The following NRG3 variants were observed in gnomAD, a reference collection of about 807,000 sequenced individuals.
The protein encoded by NRG3 is neuregulin 3, also known as pro-neuregulin-3, membrane-bound isoform.
NRG3 carries 31 observed loss-of-function variants against 66.9 expected under a neutral mutation model. The observed-to-expected ratio is 0.46, with a 90% confidence interval of 0.35 to 0.63. The LOEUF is 0.63. NRG3 is among the 20% of genes least tolerant of loss of function. The probability of loss-of-function intolerance (pLI) is 0.00; values close to 1 mark genes in which losing one functional copy is unlikely to be tolerated. For synonymous variants in NRG3, 393 were observed against 359.4 expected (o/e 1.09, Z -1.06); for missense variants, 910 against 878.9 (o/e 1.04, Z -0.45).
At chr10:82,549,872 A>G (rs1450504880) in intron 2 of NRG3, among the ~76,000 whole-genome samples, 5 of 152,148 alleles carry the variant, frequency 3.3e-5, no homozygotes, top group African/African-American at 1.2e-4. Context: ...GTGTTGATTG[A>G]AAGATCCAAT....
chr10:82,136,952 G>C (rs1000527011), intron 1 of NRG3, among the ~76,000 whole-genome samples: 1 of 152,160 alleles, frequency 6.6e-6, no homozygotes, highest in Non-Finnish European at 1.5e-5. Flanking sequence ...GGTAACGTAG[G>C]CTTCAAGACT....
intron 6 of NRG3, among the ~76,000 whole-genome samples, chr10:82,970,509 T>C (rs1013410271): frequency 2.6e-5 from 4 of 152,324 alleles, no homozygotes; most frequent in Middle Eastern, 3.4e-3. Context: ...ATGAGTGCAG[T>C]TGCACTCTTT....
chr10:82,418,985 G>A (rs2088851070), intron 2 of NRG3, among the ~76,000 whole-genome samples: 1 of 152,050 alleles, frequency 6.6e-6, no homozygotes, highest in Admixed American at 6.6e-5. Context: ...GTAATAAATG[G>A]TTTCTGAAAA....
At chr10:82,729,480 A>G (rs2057782823) in intron 2 of NRG3, among the ~76,000 whole-genome samples, 1 of 152,294 alleles carries the variant, frequency 6.6e-6, no homozygotes, top group African/African-American at 2.4e-5. Context: ...ATCAAAGCTA[A>G]GTTAGACAGA....
rs190611952 is a variant in NRG3, at chr10:82,502,315, T to C, written c.953+143447T>C. Among the ~76,000 whole-genome samples, 81 of 152,292 alleles carry C rather than the reference T, an allele frequency of 5.3e-4. 1 individual carries two copies. The highest frequency in any genetic ancestry group is 2.7e-3 in the Admixed American group (41 of 15,280). On this transcript the variant is annotated intron_variant, in intron 2 of 8. Coordinates refer to ENST00000372141, the MANE Select transcript of NRG3 (RefSeq NM_001010848.4). Reference sequence around the variant, plus strand: ...GAACCTGTTCAGGTCAGCAGTATCCTTCCCTTGCTCTGATCATTTTAGACT... The same window carrying C: ...GAACCTGTTCAGGTCAGCAGTATCCCTCCCTTGCTCTGATCATTTTAGACT...
At chr10:82,059,618 C>T (rs1026457168) in intron 1 of NRG3, among the ~76,000 whole-genome samples, 1 of 152,102 alleles carries the variant, frequency 6.6e-6, no homozygotes, top group African/African-American at 2.4e-5. Flanking sequence ...TTTCCATTCC[C>T]AATTTTACTT....
At chr10:82,578,909 A>G (rs2046193405) in intron 2 of NRG3, among the ~76,000 whole-genome samples, 1 of 151,934 alleles carries the variant, frequency 6.6e-6, no homozygotes, top group Admixed American at 6.6e-5. Flanking sequence ...TAATTCAGTG[A>G]CTGAAATAAT....
At chr10:82,657,246 T>C (rs1010899257) in intron 2 of NRG3, among the ~76,000 whole-genome samples, 2 of 152,170 alleles carry the variant, frequency 1.3e-5, no homozygotes, top group East Asian at 3.8e-4. Flanking sequence ...CCTCTCTCTC[T>C]GTTCTGTCTA....
chr10:82,050,901 A>C (rs541782179), intron 1 of NRG3, among the ~76,000 whole-genome samples: 3 of 150,036 alleles, frequency 2.0e-5, no homozygotes, highest in African/African-American at 7.3e-5. Flanking sequence ...CCTCATGCGT[A>C]TCCAGCATTT....
At chr10:82,857,027 A>G (rs1185821964) in intron 3 of NRG3, among the ~76,000 whole-genome samples, 2 of 152,208 alleles carry the variant, frequency 1.3e-5, no homozygotes, top group Non-Finnish European at 2.9e-5. Context: ...AAATGGAATA[A>G]GATTTCAGTC....
At chr10:81,941,897 G>A (rs2064621) in intron 1 of NRG3, among the ~76,000 whole-genome samples, 149,726 of 152,190 alleles carry the variant, frequency 0.98, 73,674 homozygotes, top group East Asian at 1. Flanking sequence ...CATTTCCCTG[G>A]AAAAATAAGT....
At chr10:82,583,446 C>T (rs1196008686) in intron 2 of NRG3, among the ~76,000 whole-genome samples, 2 of 152,144 alleles carry the variant, frequency 1.3e-5, no homozygotes, top group Non-Finnish European at 2.9e-5. Flanking sequence ...ATAAGCCAAG[C>T]TTTCATACCT....
At chr10:82,961,143 G>T (rs1850598306) in intron 6 of NRG3, among the ~76,000 whole-genome samples, 1 of 152,164 alleles carries the variant, frequency 6.6e-6, no homozygotes, top group Admixed American at 6.5e-5. Flanking sequence ...AGAAAATTAA[G>T]AAAACACTTC....
At chr10:81,945,448 A>T (rs1432970271) in intron 1 of NRG3, among the ~76,000 whole-genome samples, 2 of 152,122 alleles carry the variant, frequency 1.3e-5, no homozygotes, top group Admixed American at 1.3e-4. Context: ...ACTGAGTTAC[A>T]TTTTGTCTTC....
chr10:82,009,901 C>T (rs940325217), intron 1 of NRG3, among the ~76,000 whole-genome samples: 1 of 152,194 alleles, frequency 6.6e-6, no homozygotes, highest in African/African-American at 2.4e-5. Context: ...TGTATTATGA[C>T]CTGGTCATGC....
intron 1 of NRG3, among the ~76,000 whole-genome samples, chr10:82,240,620 T>C (rs1589436800): frequency 1.3e-5 from 2 of 152,144 alleles, no homozygotes; most frequent in East Asian, 3.9e-4. Context: ...TGGAGGAAGA[T>C]GGCCTCAATT....
chr10:82,192,451 G>A (rs1468302085), intron 1 of NRG3, among the ~76,000 whole-genome samples: 1 of 152,160 alleles, frequency 6.6e-6, no homozygotes, highest in Non-Finnish European at 1.5e-5. Context: ...GAGGGCTGCT[G>A]TGGTTCATTC....
chr10:82,563,985 A>C (rs1437640497), intron 2 of NRG3, among the ~76,000 whole-genome samples: 2 of 152,162 alleles, frequency 1.3e-5, no homozygotes, highest in Non-Finnish European at 2.9e-5. Flanking sequence ...ACAAATGTTC[A>C]ATGATATTAA....
chr10:82,351,106 G>T (rs977204871), intron 1 of NRG3, among the ~76,000 whole-genome samples: 1 of 152,108 alleles, frequency 6.6e-6, no homozygotes, highest in Non-Finnish European at 1.5e-5. Context: ...GTGTTAGCCA[G>T]GATGGTCTTG....
Sources: gnomAD v4.1 joint callset for allele counts (sites outside exome capture counted in the v4.1 genomes callset) on GRCh38, gnomAD v4.1.1 for gene constraint, MANE v1.5 for transcripts, NCBI Gene and HGNC (gene_info 2026-07-23, HGNC 2026-07-21) for gene names.